The following LYPLAL1 variants were observed in gnomAD, a reference collection of about 807,000 sequenced individuals.
LYPLAL1 encodes lysophospholipase like 1.
In LYPLAL1, 23 loss-of-function variants were observed where a neutral mutation model predicts 19.7. That is an observed-to-expected ratio of 1.17 (90% CI 0.84 to 1.65). The LOEUF (loss-of-function observed/expected upper bound fraction) is 1.65, where lower values mean the gene tolerates loss of function less well. Ranked by LOEUF, LYPLAL1 falls within the 40% of genes most tolerant of loss-of-function variation. The pLI is 0.00. For missense variants in LYPLAL1, 355 were observed against 279.4 expected, an observed-to-expected ratio of 1.27 and a Z score of -1.93; for synonymous variants, 119 against 96.3, an observed-to-expected ratio of 1.24 and a Z score of -1.38.
chr1:219,350,466 C>CT, the LYPLAL1 span, among the ~76,000 whole-genome samples: 3 of 152,198 alleles, frequency 2.0e-5, no homozygotes. Context: ...AATAATAAAA[C>CT]TGTGTGAAGC....
At chr1:219,403,040 G>A in the LYPLAL1 span, among the ~76,000 whole-genome samples, 4 of 152,316 alleles carry the variant, frequency 2.6e-5, no homozygotes, top group East Asian at 5.8e-4. Flanking sequence ...TTGAAATCTA[G>A]GGGTCATGCA....
chr1:219,238,304 A>ATTTTTTTT, the LYPLAL1 span, among the ~76,000 whole-genome samples: 320 of 81,866 alleles, frequency 3.9e-3, 22 homozygotes, highest in African/African-American at 0.016. Flanking sequence ...CGCCCGGCTA[A>ATTTTTTTT]TTTTTTTTTT....
At chr1:219,394,067 CA>C in the LYPLAL1 span, among the ~76,000 whole-genome samples, 1 of 151,524 alleles carries the variant, frequency 6.6e-6, no homozygotes, top group Non-Finnish European at 1.5e-5. Context: ...TTTATGGTTA[CA>C]AAGAGTTAAA....
intron 3 of LYPLAL1, chr1:219,199,984 C>G (rs1248673614): frequency 4.3e-6 from 1 of 233,956 alleles, no homozygotes; most frequent in Non-Finnish European, 9.1e-6. Flanking sequence ...TATTAGACAC[C>G]TGGACAGCTA....
chr1:219,302,960 C>A, the LYPLAL1 span, among the ~76,000 whole-genome samples: 1 of 152,112 alleles, frequency 6.6e-6, no homozygotes, highest in Non-Finnish European at 1.5e-5. Context: ...TTATTATTCT[C>A]CTGTATACAG....
At chr1:219,274,849 T>G in the LYPLAL1 span, among the ~76,000 whole-genome samples, 1 of 152,202 alleles carries the variant, frequency 6.6e-6, no homozygotes, top group East Asian at 1.9e-4. Flanking sequence ...GTTAAAAGTT[T>G]ACATGCCCTC....
At chr1:219,351,348 A>G in the LYPLAL1 span, among the ~76,000 whole-genome samples, 1 of 152,082 alleles carries the variant, frequency 6.6e-6, no homozygotes, top group African/African-American at 2.4e-5. Flanking sequence ...TACAAGTGGT[A>G]TAGAAAAGAG....
intron 1 of LYPLAL1, among the ~76,000 whole-genome samples, chr1:219,175,259 A>G (rs910198787): frequency 6.6e-6 from 1 of 152,172 alleles, no homozygotes; most frequent in African/African-American, 2.4e-5. Flanking sequence ...AGTTTGAACT[A>G]GGATATATTG....
chr1:219,223,631 T>C, the LYPLAL1 span, among the ~76,000 whole-genome samples: 1 of 152,188 alleles, frequency 6.6e-6, no homozygotes, highest in African/African-American at 2.4e-5. Context: ...AATGGTTCCA[T>C]GATGAATAGT....
chr1:219,367,486 A>G, the LYPLAL1 span, among the ~76,000 whole-genome samples: 2 of 152,296 alleles, frequency 1.3e-5, no homozygotes, highest in East Asian at 3.9e-4. Context: ...CTCAAAGAGC[A>G]TAAAATTAAC....
the LYPLAL1 span, among the ~76,000 whole-genome samples, chr1:219,378,007 CA>C: frequency 6.6e-6 from 1 of 152,146 alleles, no homozygotes; most frequent in South Asian, 2.1e-4. Context: ...GTCTATGTTC[CA>C]ATAAAACTTC....
the LYPLAL1 span, among the ~76,000 whole-genome samples, chr1:219,303,156 A>G: frequency 2.0e-5 from 3 of 152,218 alleles, no homozygotes; most frequent in Admixed American, 6.5e-5. Context: ...ATCTTAAATC[A>G]TGAAATATTA....
intron 3 of LYPLAL1, chr1:219,210,293 ATT>A (rs565252993): frequency 3.2e-4 from 81 of 250,628 alleles, no homozygotes; most frequent in African/African-American, 1.6e-3. Flanking sequence ...AACATGATAT[ATT>A]TGTTTAATCC....
chr1:219,379,927 T>A, the LYPLAL1 span, among the ~76,000 whole-genome samples: 3 of 152,138 alleles, frequency 2.0e-5, no homozygotes, highest in Non-Finnish European at 4.4e-5. Context: ...TGAGCAGTCA[T>A]AATGTGGTGA....
chr1:219,259,730 TC>T, the LYPLAL1 span, among the ~76,000 whole-genome samples: 4 of 151,138 alleles, frequency 2.6e-5, no homozygotes, highest in Admixed American at 2.6e-4. Flanking sequence ...ATTTCAGAAA[TC>T]ATCACTAAAG....
At chr1:219,203,358 G>A (rs944778852) in intron 3 of LYPLAL1, among the ~76,000 whole-genome samples, 13 of 151,800 alleles carry the variant, frequency 8.6e-5, no homozygotes, top group Admixed American at 2.6e-4. Flanking sequence ...GCTTGGACAG[G>A]TCAAAAATGA....
At chr1:219,374,251 G>A in the LYPLAL1 span, among the ~76,000 whole-genome samples, 1 of 151,444 alleles carries the variant, frequency 6.6e-6, no homozygotes, top group South Asian at 2.1e-4. Context: ...GGCAGAGAAC[G>A]GCTGAATCTT....
chr1:219,360,434 C>T, the LYPLAL1 span, among the ~76,000 whole-genome samples: 7 of 152,048 alleles, frequency 4.6e-5, no homozygotes, highest in Admixed American at 2.0e-4. Context: ...TCGTAGACAT[C>T]GGAGTAGTCA....
At chr1:219,218,862 G>T in the LYPLAL1 span, among the ~76,000 whole-genome samples, 1 of 152,242 alleles carries the variant, frequency 6.6e-6, no homozygotes, top group African/African-American at 2.4e-5. Context: ...AGGCCAACCT[G>T]AAATACTAAC....
Sources: gnomAD v4.1 joint callset for allele counts (sites outside exome capture counted in the v4.1 genomes callset) on GRCh38, gnomAD v4.1.1 for gene constraint, MANE v1.5 for transcripts, NCBI Gene and HGNC (gene_info 2026-07-23, HGNC 2026-07-21) for gene names.